Variants in RP1 observed in about 807,000 individuals in gnomAD.
The protein encoded by RP1 is RP1 axonemal microtubule associated.
Under a neutral mutation model 14.8 loss-of-function variants are expected in RP1, and 16 were observed. That is an observed-to-expected ratio of 1.08 (90% CI 0.73 to 1.65). RP1 has a LOEUF of 1.65. Ranked by LOEUF, RP1 falls within the 40% of genes most tolerant of loss-of-function variation. The probability of loss-of-function intolerance (pLI) is 0.00; values close to 1 mark genes in which losing one functional copy is unlikely to be tolerated. For synonymous variants in RP1, 876 were observed against 883.6 expected (o/e 0.99, Z 0.15); for missense variants, 2,631 against 2,535.0 (o/e 1.04, Z -0.81).
At chr8:54,618,732 T>C (rs1415688252) in intron 1 of RP1, among the ~76,000 whole-genome samples, 1 of 152,182 alleles carries the variant, frequency 6.6e-6, no homozygotes, top group Non-Finnish European at 1.5e-5. Context: ...CTCAGCTCAC[T>C]GCAACATCTG....
At chr8:54,739,067 T>C in intron 19 of RP1, 1 of 1,428,866 alleles carries the variant, frequency 7.0e-7, no homozygotes, top group South Asian at 1.3e-5. Flanking sequence ...ATAGTTATTC[T>C]CTGATGAAAA....
At chr8:54,770,631 A>G (rs562101259), downstream of RP1, among the ~76,000 whole-genome samples, 452 of 150,274 alleles carry the variant, frequency 3.0e-3, 3 homozygotes, top group African/African-American at 0.01. Context: ...GCCTAAAACC[A>G]TGATTTCATG....
At chr8:54,866,340 T>C (rs1812458554) in intron 28 of RP1, among the ~76,000 whole-genome samples, 1 of 152,158 alleles carries the variant, frequency 6.6e-6, no homozygotes, top group Non-Finnish European at 1.5e-5. Context: ...AATGATGTTA[T>C]ATATGTGAAC....
intron 12 of RP1, among the ~76,000 whole-genome samples, chr8:54,693,992 C>T (rs1178329195): frequency 6.6e-6 from 1 of 152,072 alleles, no homozygotes; most frequent in African/African-American, 2.4e-5. Context: ...AGATACATCC[C>T]ATCAATACCT....
At chr8:54,730,877 C>G (rs1742323457) in intron 17 of RP1, among the ~76,000 whole-genome samples, 1 of 152,110 alleles carries the variant, frequency 6.6e-6, no homozygotes, top group East Asian at 1.9e-4. Flanking sequence ...TGCAAGATAA[C>G]TATAGGGGGA....
intron 24 of RP1, among the ~76,000 whole-genome samples, chr8:54,820,405 G>A (rs1160649220): frequency 6.6e-6 from 1 of 152,112 alleles, no homozygotes; most frequent in East Asian, 1.9e-4. Flanking sequence ...AATTTATACA[G>A]GACCCTAGAC....
chr8:54,750,723 C>G (rs1167275059), intron 19 of RP1, among the ~76,000 whole-genome samples: 1 of 41,796 alleles, frequency 2.4e-5, no homozygotes, highest in African/African-American at 1.6e-4. Flanking sequence ...TATAAAAACG[C>G]ACCAATCAGT....
At chr8:54,737,172 T>C (rs1808953322) in intron 18 of RP1, among the ~76,000 whole-genome samples, 1 of 152,186 alleles carries the variant, frequency 6.6e-6, no homozygotes, top group Non-Finnish European at 1.5e-5. Flanking sequence ...CTTAGACAAA[T>C]GACTTAACCT....
In RP1 at chr8:54,628,044, G is replaced by A; in HGVS notation, c.4162G>A (p.Val1388Met). Residue 1388 changes from valine to methionine, a missense_variant, in exon 4 of 4, where the codon GTG becomes ATG. Val to Met is a conservative substitution (Grantham distance 21). Coordinates refer to ENST00000220676, the MANE Select transcript of RP1 (RefSeq NM_006269.2). ...PEYKNGFNTL[V>M]SHQNVSNLSS... The stretch of plus-strand genomic sequence containing the variant: ...ATATAAAAATGGATTTAATACATTG[G>A]TGTCACATCAAAATGTCAGTAATTT... 2 of 1,614,030 alleles carry A rather than the reference G, an allele frequency of 1.2e-6. No individual in the cohort carries two copies. Among genetic ancestry groups the A allele is most frequent in the East Asian group, 2.2e-5 (1 of 44,870 alleles).
At chr8:54,815,608 G>A (rs1384601005) in intron 24 of RP1, among the ~76,000 whole-genome samples, 1 of 152,098 alleles carries the variant, frequency 6.6e-6, no homozygotes, top group African/African-American at 2.4e-5. Flanking sequence ...CCTCTTAATG[G>A]CAGACAGATG....
At chr8:54,727,626 A>G (rs1402074687) in intron 17 of RP1, among the ~76,000 whole-genome samples, 1 of 152,112 alleles carries the variant, frequency 6.6e-6, no homozygotes, top group Non-Finnish European at 1.5e-5. Flanking sequence ...TGTAAAAATG[A>G]CAAAATTAGG....
chr8:54,815,749 C>T (rs1034433050), intron 24 of RP1, among the ~76,000 whole-genome samples: 3 of 151,748 alleles, frequency 2.0e-5, no homozygotes, highest in Admixed American at 6.6e-5. Context: ...AATACCAGGC[C>T]GATATTTTAG....
chr8:54,802,162 G>GAAAAT (rs1810728746), intron 24 of RP1, among the ~76,000 whole-genome samples: 1 of 151,980 alleles, frequency 6.6e-6, no homozygotes, highest in South Asian at 2.1e-4. Context: ...TCTCTGAGAA[G>GAAAAT]AAAATAAATA....
At chr8:54,845,318 C>G (rs1240941519) in intron 25 of RP1, among the ~76,000 whole-genome samples, 2 of 152,198 alleles carry the variant, frequency 1.3e-5, no homozygotes, top group African/African-American at 4.8e-5. Flanking sequence ...CAGTGGTTCT[C>G]TGGCGACTAG....
chr8:54,764,382 T>C (rs1261734791), intron 22 of RP1, among the ~76,000 whole-genome samples: 1 of 152,232 alleles, frequency 6.6e-6, no homozygotes, highest in Non-Finnish European at 1.5e-5. Context: ...CATTCCGTGG[T>C]GCCTGGAGTC....
chr8:54,614,746 G>T (rs778778963), upstream of RP1, among the ~76,000 whole-genome samples: 4 of 152,064 alleles, frequency 2.6e-5, no homozygotes, highest in Non-Finnish European at 4.4e-5. Flanking sequence ...TGCTCCAAAA[G>T]AAACCTTTTT....
At chr8:54,724,475 A>G (rs982768136) in intron 16 of RP1, among the ~76,000 whole-genome samples, 1 of 152,200 alleles carries the variant, frequency 6.6e-6, no homozygotes, top group Admixed American at 6.5e-5. Flanking sequence ...ATCCAGCTGT[A>G]TATGTAACAT....
chr8:54,744,541 G>A lies in RP1; in HGVS notation c.2808+5512G>A, dbSNP rs193210578. 3.6e-3 allele frequency among the ~76,000 whole-genome samples: 554 copies of A among 152,316 alleles called. 3 individuals are homozygous for A. The highest frequency in any genetic ancestry group is 5.2e-3 in the Non-Finnish European group (353 of 68,030). Reference sequence around the variant, plus strand: ...GACTGGAATTTGTCAGACACAAGCCGTTTGACCTTGTTTAGGTAGAGTCAC... The same window carrying A: ...GACTGGAATTTGTCAGACACAAGCCATTTGACCTTGTTTAGGTAGAGTCAC... On this transcript the variant is annotated intron_variant, in intron 19 of 22. Transcript: ENST00000636932.
intron 7 of RP1, among the ~76,000 whole-genome samples, chr8:54,669,845 G>T (rs1431652528): frequency 6.6e-6 from 1 of 151,808 alleles, no homozygotes; most frequent in East Asian, 1.9e-4. Context: ...CTTGGACACA[G>T]GGTGGGGAAC....
Sources: gnomAD v4.1 joint callset for allele counts (sites outside exome capture counted in the v4.1 genomes callset) on GRCh38, gnomAD v4.1.1 for gene constraint, MANE v1.5 for transcripts, NCBI Gene and HGNC (gene_info 2026-07-23, HGNC 2026-07-21) for gene names.